CARNMT1: variants seen among roughly 807,000 people sequenced by gnomAD.
CARNMT1 encodes carnosine N-methyltransferase 1.
CARNMT1 carries 28 observed loss-of-function variants against 49.6 expected under a neutral mutation model. The observed-to-expected ratio is 0.56, with a 90% CI of 0.42 to 0.77. CARNMT1 has a LOEUF of 0.77. Among genes scored for constraint, CARNMT1 ranks in the 30% least tolerant of loss-of-function variants. The pLI, the probability that CARNMT1 is intolerant of heterozygous loss-of-function variation, is 0.00. For synonymous variants in CARNMT1, 178 were observed against 175.0 expected (o/e 1.02, Z -0.13); for missense variants, 421 against 512.6 (o/e 0.82, Z 1.73).
chr9:75,019,605 C>T (rs1833941518), intron 1 of CARNMT1, among the ~76,000 whole-genome samples: 1 of 152,172 alleles, frequency 6.6e-6, no homozygotes, highest in Admixed American at 6.5e-5. Context: ...TTGGCCTTCA[C>T]AAGCCCCTTA....
intron 3 of CARNMT1, 58 bp from the exon 4 acceptor site, chr9:74,999,928 A>C: frequency 6.6e-7 from 1 of 1,516,456 alleles, no homozygotes; most frequent in Non-Finnish European, 8.9e-7. Context: ...GAAAAGACAA[A>C]ATCCACATTA....
At chr9:74,998,317 C>T (rs890203019) in intron 5 of CARNMT1, among the ~76,000 whole-genome samples, 3 of 152,172 alleles carry the variant, frequency 2.0e-5, no homozygotes, top group African/African-American at 4.8e-5. Context: ...AATAACCTTT[C>T]ATTTTTTTGG....
Position 75,017,381 on chromosome 9 carries a change from T to G in CARNMT1, c.298A>C (p.Lys100Gln). 1.9e-6 allele frequency: 3 copies of G among 1,614,160 alleles called. No individual in the cohort carries two copies. The highest frequency in any genetic ancestry group is 4.5e-5 in the East Asian group (2 of 44,850). ...QFRSLPANQQ[K>Q]LLPQFLLHLD... Reference sequence around the variant, plus strand: ...TGAAGAAGAAACTGAGGAAGTAGTTTCTGTTGGTTAGCTGGAAGTGATCGA... The same window carrying G: ...TGAAGAAGAAACTGAGGAAGTAGTTGCTGTTGGTTAGCTGGAAGTGATCGA... The change falls in exon 2 of 8, where the codon AAA becomes CAA. Residue 100 changes from lysine (K) to glutamine (Q), a missense_variant. Physicochemically the swap from Lys to Gln is moderately conservative, Grantham distance 53. Coordinates refer to ENST00000376834, the MANE Select transcript of CARNMT1 (RefSeq NM_152420.3).
At chr9:75,027,545 G>T (rs1200879801) in intron 1 of CARNMT1, 1 of 884,546 alleles carries the variant, frequency 1.1e-6, no homozygotes, top group Non-Finnish European at 1.4e-6. Flanking sequence ...ACAAGCACTG[G>T]TAACAGTTTG....
At chr9:75,027,328 G>T in intron 1 of CARNMT1, 1 of 796,566 alleles carries the variant, frequency 1.3e-6, no homozygotes, top group Non-Finnish European at 1.5e-6. Flanking sequence ...ATACAGATTT[G>T]CAGAAAAAAA....
At position 75,028,079 on chromosome 9, in the gene CARNMT1, C is replaced by T; in HGVS notation, c.163G>A (p.Glu55Lys). ...CGCTCAAGCCTCTCCTCCTCCTCCTCGGTGCTGCGCGTGGCCGCCGCCGCT... is the reference window on the plus strand; with the variant it reads ...CGCTCAAGCCTCTCCTCCTCCTCCTTGGTGCTGCGCGTGGCCGCCGCCGCT... ...AAAAAATRST[E>K]EEEERLEREH... Residue 55 changes from glutamate (E) to lysine (K), a missense_variant, in exon 1 of 8, where the codon GAG (glutamate) becomes AAG (lysine). Glu to Lys is a moderately conservative substitution (Grantham distance 56, BLOSUM62 1). Transcript: ENST00000376834. 1 of 1,566,712 alleles carries T rather than the reference C, an allele frequency of 6.4e-7. No homozygotes were observed. The highest frequency in any genetic ancestry group is 8.6e-7 in the Non-Finnish European group (1 of 1,158,822).
intron 1 of CARNMT1, among the ~76,000 whole-genome samples, chr9:75,027,649 C>T (rs528364227): frequency 3.3e-5 from 5 of 152,216 alleles, no homozygotes; most frequent in Non-Finnish European, 7.3e-5. Flanking sequence ...CCAATCAGCC[C>T]AGCAGTGGAC....
At chr9:75,021,140 A>G (rs1822338960) in intron 1 of CARNMT1, among the ~76,000 whole-genome samples, 1 of 151,500 alleles carries the variant, frequency 6.6e-6, no homozygotes, top group African/African-American at 2.4e-5. Flanking sequence ...TGGAAAAATA[A>G]CGTACTCAAA....
chr9:74,988,033 T>G (rs1832896146), intron 6 of CARNMT1, among the ~76,000 whole-genome samples: 1 of 152,136 alleles, frequency 6.6e-6, no homozygotes, highest in Non-Finnish European at 1.5e-5. Flanking sequence ...GTTCTTTATT[T>G]TCTCAACTCT....
chr9:75,011,660 A>G (rs1022189202), intron 3 of CARNMT1, among the ~76,000 whole-genome samples: 1 of 152,106 alleles, frequency 6.6e-6, no homozygotes, highest in East Asian at 1.9e-4. Context: ...GAGCCTTGAC[A>G]CCCAGCTCTG....
At chr9:75,012,663 T>C (rs899377751) in intron 3 of CARNMT1, among the ~76,000 whole-genome samples, 5 of 152,100 alleles carry the variant, frequency 3.3e-5, no homozygotes, top group East Asian at 1.9e-4. Context: ...TACAGAACTA[T>C]GTTGACAGTG....
At chr9:74,985,072 C>T (rs1662710548) in intron 6 of CARNMT1, 62 bp from the exon 7 acceptor site, 5 of 1,244,984 alleles carry the variant, frequency 4.0e-6, no homozygotes, top group Non-Finnish European at 4.7e-6. Flanking sequence ...CTGTGTTACA[C>T]TGAATTCCAA....
intron 1 of CARNMT1, among the ~76,000 whole-genome samples, chr9:75,020,836 C>T (rs546226574): frequency 6.6e-6 from 1 of 152,178 alleles, no homozygotes; most frequent in South Asian, 2.1e-4. Context: ...CTGACATGCC[C>T]CTCTGGGGAG....
chr9:74,983,780 C>T lies in CARNMT1; in HGVS notation c.1217G>A (p.Arg406His), dbSNP rs1465498796. ...YYYECVLFVV[R>H]KPQ ...CACTTGAGACCATTATTGTGGCTTA[C>T]GGACCACAAACAAGACACATTCATA... The change falls in exon 8 of 8, where the codon CGT becomes CAT. Residue 406 changes from arginine to histidine, a missense_variant. This residue lies in a region of CARNMT1 where 235 missense variants were observed against 344.8 expected (regional missense o/e 0.68). Transcript: ENST00000376834. The T allele has an allele frequency of 2.5e-6, 4 of 1,598,164 alleles. No individual in the cohort carries two copies. Among genetic ancestry groups the T allele is most frequent in the East Asian group, 2.2e-5 (1 of 44,518 alleles).
At chr9:75,005,233 A>G (rs969057542) in intron 3 of CARNMT1, among the ~76,000 whole-genome samples, 1 of 152,180 alleles carries the variant, frequency 6.6e-6, no homozygotes, top group African/African-American at 2.4e-5. Context: ...AGTAGTGTTC[A>G]AATACTATTT....
At chr9:74,994,552 G>A (rs1833130040) in intron 6 of CARNMT1, among the ~76,000 whole-genome samples, 1 of 152,196 alleles carries the variant, frequency 6.6e-6, no homozygotes, top group Admixed American at 6.5e-5. Flanking sequence ...GAGCACAAGA[G>A]AGATGTTTGG....
At position 75,016,434 on chromosome 9, in the gene CARNMT1, G is replaced by A. The variant is rs778755398; in HGVS notation, c.427-3C>T. ...GCTGGCATAATCTTTCCATTCCCCTGTTTAAAAAACAGACATCAATTAGCT... is the reference window on the plus strand; with the variant it reads ...GCTGGCATAATCTTTCCATTCCCCTATTTAAAAAACAGACATCAATTAGCT... On this transcript the variant is annotated splice_region_variant and splice_polypyrimidine_tract_variant and intron_variant, in intron 2 of 7. Coordinates refer to ENST00000376834, the MANE Select transcript of CARNMT1 (RefSeq NM_152420.3). 19 of 1,611,320 alleles carry A rather than the reference G, an allele frequency of 1.2e-5. No homozygotes were observed. The East Asian group carries it at 4.2e-4, about 36-fold the overall frequency.
At position 74,997,322 on chromosome 9, in the gene CARNMT1, C is replaced by T. The variant is rs191682469; in HGVS notation, c.911-762G>A. On this transcript the variant is annotated intron_variant, in intron 5 of 7. Coordinates refer to ENST00000376834, the MANE Select transcript of CARNMT1 (RefSeq NM_152420.3). ...TTCAGAGTACAGGTTGTCCCAGTCTCAGAGTTCAGAGAAAAATAAACAAAA... is the reference window on the plus strand; with the variant it reads ...TTCAGAGTACAGGTTGTCCCAGTCTTAGAGTTCAGAGAAAAATAAACAAAA... Among the ~76,000 whole-genome samples the T allele has an allele frequency of 3.8e-4, 58 of 152,282 alleles. No homozygotes were observed. The East Asian group carries it at 5.4e-3, about 14-fold the overall frequency.
chr9:75,023,156 AAAAG>A (rs1822427647), intron 1 of CARNMT1, among the ~76,000 whole-genome samples: 1 of 151,684 alleles, frequency 6.6e-6, no homozygotes, highest in South Asian at 2.1e-4. Context: ...AAAAAAAAGA[AAAAG>A]AAATTAAGGA....
Sources: allele counts gnomAD v4.1 joint callset (sites outside exome capture counted in the v4.1 genomes callset), GRCh38; gene constraint gnomAD v4.1.1; regional missense constraint gnomAD v4.1.1; transcripts MANE v1.5; gene names NCBI Gene and HGNC (gene_info 2026-07-23, HGNC 2026-07-21).